SIPA1L2: variants seen among roughly 807,000 people sequenced by gnomAD.
SIPA1L2 encodes signal induced proliferation associated 1 like 2.
A neutral mutation model predicts 163.9 loss-of-function variants in SIPA1L2; 56 were observed. That is an observed-to-expected ratio of 0.34 (90% CI 0.28 to 0.43). The LOEUF is 0.43. Ranked by LOEUF, SIPA1L2 falls within the 20% of genes least tolerant of loss-of-function variation. The probability of loss-of-function intolerance (pLI) is 1.00; values close to 1 mark genes in which losing one functional copy is unlikely to be tolerated. For synonymous variants in SIPA1L2, 877 were observed against 865.7 expected (o/e 1.01, Z -0.23); for missense variants, 1,974 against 2,193.5 (o/e 0.90, Z 2.00).
intron 3 of SIPA1L2, among the ~76,000 whole-genome samples, chr1:232,494,240 T>A (rs984343970): frequency 2.0e-5 from 3 of 152,182 alleles, no homozygotes; most frequent in Non-Finnish European, 4.4e-5. Flanking sequence ...ACACAAAAGG[T>A]CAGTTAGTTT....
At chr1:232,562,244 C>T (rs1659080065) in intron 2 of SIPA1L2, among the ~76,000 whole-genome samples, 2 of 152,182 alleles carry the variant, frequency 1.3e-5, no homozygotes, top group East Asian at 1.9e-4. Context: ...GAGGCACATG[C>T]GTCTGTAACA....
intron 3 of SIPA1L2, among the ~76,000 whole-genome samples, chr1:232,496,560 C>CA (rs71162247): frequency 0.042 from 4,419 of 105,178 alleles, 175 homozygotes; most frequent in African/African-American, 0.11. Flanking sequence ...CAGAAGCAGG[C>CA]AAAAAAAAAA....
chr1:232,571,842 G>A (rs1307975987), intron 2 of SIPA1L2, among the ~76,000 whole-genome samples: 1 of 152,098 alleles, frequency 6.6e-6, no homozygotes, highest in East Asian at 1.9e-4. Context: ...GCTTTCTTAG[G>A]TCTCACCAGA....
At chr1:232,559,388 A>G (rs1398110369) in intron 2 of SIPA1L2, among the ~76,000 whole-genome samples, 2 of 152,266 alleles carry the variant, frequency 1.3e-5, no homozygotes, top group African/African-American at 4.8e-5. Context: ...TAGACTCTGC[A>G]GTCACAAGCA....
At chr1:232,472,132 T>C (rs575262365) in intron 7 of SIPA1L2, among the ~76,000 whole-genome samples, 45 of 152,216 alleles carry the variant, frequency 3.0e-4, no homozygotes, top group Non-Finnish European at 6.3e-4. Context: ...ATCACAAATC[T>C]GGCAGGGGGA....
intron 1 of SIPA1L2, among the ~76,000 whole-genome samples, chr1:232,589,070 A>T (rs921492071): frequency 6.6e-6 from 1 of 152,206 alleles, no homozygotes; most frequent in African/African-American, 2.4e-5. Context: ...GCACTATCTG[A>T]AAGAAACATT....
chr1:232,560,419 T>TA lies in SIPA1L2; in HGVS notation c.-270+13754dup, dbSNP rs1382954604. On this transcript the variant is annotated intron_variant, in intron 2 of 22. Transcript: ENST00000674635. ...TGGTATTTAATAAGGCCCTCAGGAA[T>TA]AAAAAATTTAATTCAGAGTCATCTT... 2.6e-5 allele frequency among the ~76,000 whole-genome samples: 4 copies of TA among 152,354 alleles called. No homozygotes were observed. The South Asian group carries it at 6.2e-4, about 24-fold the overall frequency.
intron 4 of SIPA1L2, 58 bp from the exon 5 acceptor site, chr1:232,491,120 G>T (rs1465015230): frequency 2.0e-6 from 3 of 1,479,410 alleles, no homozygotes; most frequent in African/African-American, 1.4e-5. Context: ...CCTACTCACA[G>T]CCTAACTGTT....
intron 8 of SIPA1L2, among the ~76,000 whole-genome samples, chr1:232,470,173 T>G (rs780402881): frequency 6.6e-6 from 1 of 152,164 alleles, no homozygotes; most frequent in Non-Finnish European, 1.5e-5. Flanking sequence ...TTTAAGCCTA[T>G]CATTTGTATA....
chr1:232,493,656 G>A lies in SIPA1L2; in HGVS notation c.1488C>T (p.His496=). 2 of 1,613,958 alleles carry A rather than the reference G, an allele frequency of 1.2e-6. No homozygotes were observed. The highest frequency in any genetic ancestry group is 1.1e-5 in the South Asian group (1 of 91,062). Reference sequence around the variant, plus strand: ...TTTCATCTATTCCAAAGTAGTTTTGGTGCTCTATAATGGAAGAGAGAGGGT... The same window carrying A: ...TTTCATCTATTCCAAAGTAGTTTTGATGCTCTATAATGGAAGAGAGAGGGT... ...YYRKFFYGKE[H]QNYFGIDENL... Residue 496 remains histidine (H), a synonymous_variant, in exon 4 of 23, where the codon CAC becomes CAT. Transcript: ENST00000674635.
At chr1:232,542,909 G>A (rs1470292480) in intron 2 of SIPA1L2, among the ~76,000 whole-genome samples, 1 of 152,190 alleles carries the variant, frequency 6.6e-6, no homozygotes. Context: ...AACATGCTTT[G>A]TTTGTACACA....
chr1:232,483,973 TGG>T lies in SIPA1L2; in HGVS notation c.1807-9_1807-8del, dbSNP rs1261673246. 68 of 1,601,862 alleles carry T rather than the reference TGG, an allele frequency of 4.2e-5. No homozygotes were observed. The Admixed American group carries it at 4.4e-4, about 10-fold the overall frequency. ...TCTTGTGCTGAAAGCTCAGCTGAAA[TGG>T]GGGAGAAATATAATTACTTGGCAAA... On this transcript the variant is annotated splice_region_variant and splice_polypyrimidine_tract_variant and intron_variant, in intron 5 of 22. Transcript: ENST00000674635.
intron 3 of SIPA1L2, among the ~76,000 whole-genome samples, chr1:232,502,484 A>G (rs1377337449): frequency 6.6e-6 from 1 of 152,174 alleles, no homozygotes; most frequent in Non-Finnish European, 1.5e-5. Context: ...TTCACTGAGT[A>G]ATTTCTATCA....
At chr1:232,404,314 T>C (rs1660520672) in intron 19 of SIPA1L2, 136 bp from the exon 20 acceptor site, 6 of 686,368 alleles carry the variant, frequency 8.7e-6, no homozygotes, top group Admixed American at 2.4e-5. Context: ...AGAGCCAGTA[T>C]CATGTAACTC....
chr1:232,493,424 TAAA>T, intron 4 of SIPA1L2, 100 bp downstream of exon 4: 1 of 1,324,810 alleles, frequency 7.5e-7, no homozygotes, highest in Non-Finnish European at 1.0e-6. Context: ...TCATTAACAT[TAAA>T]AAAAAATAAA....
At chr1:232,488,202 C>T (rs1665747899) in intron 5 of SIPA1L2, among the ~76,000 whole-genome samples, 1 of 152,174 alleles carries the variant, frequency 6.6e-6, no homozygotes, top group Admixed American at 6.5e-5. Flanking sequence ...ATCCACCCAC[C>T]TTGGCCTTCC....
At chr1:232,527,050 C>T (rs1178656928) in intron 2 of SIPA1L2, among the ~76,000 whole-genome samples, 4 of 152,286 alleles carry the variant, frequency 2.6e-5, no homozygotes, top group South Asian at 4.1e-4. Flanking sequence ...CAATTCCACA[C>T]GGACAGACCA....
chr1:232,506,958 T>C (rs959429898), intron 3 of SIPA1L2, among the ~76,000 whole-genome samples: 19 of 152,378 alleles, frequency 1.2e-4, no homozygotes, highest in Non-Finnish European at 2.5e-4. Flanking sequence ...AGAGTTCCCT[T>C]ATACCCATCT....
chr1:232,509,623 C>CAGTG (rs919383241), intron 3 of SIPA1L2, among the ~76,000 whole-genome samples: 3 of 152,180 alleles, frequency 2.0e-5, no homozygotes, highest in Non-Finnish European at 4.4e-5. Flanking sequence ...CAACTGTGTC[C>CAGTG]AGTGGCTGAA....
Sources: gnomAD v4.1 joint callset for allele counts (sites outside exome capture counted in the v4.1 genomes callset) on GRCh38, gnomAD v4.1.1 for gene constraint, MANE v1.5 for transcripts, NCBI Gene and HGNC (gene_info 2026-07-23, HGNC 2026-07-21) for gene names.